The following SHISA8 variants were observed in gnomAD, a reference collection of about 807,000 sequenced individuals.
The protein encoded by SHISA8 is shisa family member 8.
In SHISA8, 21 loss-of-function variants were observed where a neutral mutation model predicts 21.1. The observed-to-expected ratio is 0.99, with a 90% CI of 0.71 to 1.43. The LOEUF is 1.43. Among genes scored for constraint, SHISA8 ranks in the 40% most tolerant of loss-of-function variants. The pLI is 0.00. For synonymous variants in SHISA8, 300 were observed against 291.4 expected, an observed-to-expected ratio of 1.03 and a Z score of -0.30; for missense variants, 535 against 599.1, an observed-to-expected ratio of 0.89 and a Z score of 1.12.
At position 41,910,526 on chromosome 22, in the gene SHISA8, C is replaced by T. The variant is rs2077543922; in HGVS notation, c.693G>A (p.Arg231=). 1.6e-6 allele frequency: 2 copies of T among 1,244,120 alleles called. No homozygotes were observed. Among genetic ancestry groups the T allele is most frequent in the East Asian group, 6.4e-5 (2 of 31,184 alleles). 77.1% of individuals were successfully genotyped at this position (1,244,120 alleles called of 1,614,324 possible). A position where few individuals can be genotyped will look rare whatever the true frequency, so the allele number is the denominator to read the frequency against. The change falls in exon 3 of 4, where the codon CGG becomes CGA. Residue 231 remains arginine, a synonymous_variant. Transcript: ENST00000621082. The surrounding 1 kb of genome is among the most constrained non-coding windows in gnomAD (Gnocchi z 6.8). Reference sequence around the variant, plus strand: ...GCGGGGGCCCCGGGGCGGCCGACCCCCGGGGCGCGTTGTTGAGGCGCTTCT... The same window carrying T: ...GCGGGGGCCCCGGGGCGGCCGACCCTCGGGGCGCGTTGTTGAGGCGCTTCT... The part of the protein sequence containing the change: ...ADKKRLNNAP[R]GSAAPGPPRG...
intron 1 of SHISA8, 112 bp from the exon 2 acceptor site, chr22:41,911,461 G>T (rs375225226): frequency 6.1e-6 from 7 of 1,153,646 alleles, no homozygotes; most frequent in Non-Finnish European, 7.6e-6. Context: ...GCCTCTCCAG[G>T]CCGTCCTCTC....
In SHISA8 at chr22:41,914,371, C is replaced by A; in HGVS notation, c.297G>T (p.Arg99=). Residue 99 remains arginine (R), a synonymous_variant, in exon 1 of 4, where the codon CGG becomes CGT. Coordinates refer to ENST00000621082, the MANE Select transcript of SHISA8 (RefSeq NM_001207020.3). The surrounding 1 kb of genome is among the most constrained non-coding windows in gnomAD (Gnocchi z 6.8). The part of the protein sequence containing the change: ...GYRFCCHDGP[R]RLDQSRCSNY... ...TGGAACAGCGGCTCTGGTCGAGGCG[C>A]CGCGGCCCGTCGTGGCAGCAGAAGC... 1 of 1,294,772 alleles carries A rather than the reference C, an allele frequency of 7.7e-7. No individual in the cohort carries two copies. Among genetic ancestry groups the A allele is most frequent in the South Asian group, 2.3e-5 (1 of 43,104 alleles). 80.2% of individuals were successfully genotyped at this position (1,294,772 alleles called of 1,614,324 possible). A position where few individuals can be genotyped will look rare whatever the true frequency, so the allele number is the denominator to read the frequency against.
At chr22:41,911,938 G>A (rs539500810) in intron 1 of SHISA8, among the ~76,000 whole-genome samples, 64 of 152,242 alleles carry the variant, frequency 4.2e-4, no homozygotes, top group African/African-American at 1.4e-3. Context: ...GTAGAGACGG[G>A]GTTTCACCAT....
Position 41,911,323 on chromosome 22 carries a change from G to A in SHISA8, c.557C>T (p.Pro186Leu). 2 of 1,246,138 alleles carry A rather than the reference G, an allele frequency of 1.6e-6. No homozygotes were observed. Among genetic ancestry groups the A allele is most frequent in the Non-Finnish European group, 2.0e-6 (2 of 994,136 alleles). 77.2% of individuals were successfully genotyped at this position (1,246,138 alleles called of 1,614,324 possible). A position where few individuals can be genotyped will look rare whatever the true frequency, so the allele number is the denominator to read the frequency against. Residue 186 changes from proline (P) to leucine (L), a missense_variant, in exon 2 of 4, where the codon CCG becomes CTG. Physicochemically the swap from Pro to Leu is moderately conservative, Grantham distance 98 (BLOSUM62 -3). Transcript: ENST00000621082. Reference protein sequence around the residue: ...TRALTELLKQPGPQEPLPPTL... With the variant: ...TRALTELLKQLGPQEPLPPTL... ...GGGAGGCAGTGGCTCCTGGGGGCCC[G>A]GCTGCTTCAGAAGCTCTGTCAGCGC...
intron 1 of SHISA8, 51 bp from the exon 2 acceptor site, chr22:41,911,400 G>A (rs1336893532): frequency 1.6e-6 from 2 of 1,231,442 alleles, no homozygotes; most frequent in Non-Finnish European, 2.0e-6. Context: ...CTCATCAAAA[G>A]CCAGCCCCGG....
intron 1 of SHISA8, among the ~76,000 whole-genome samples, chr22:41,913,382 AT>A (rs1166842379): frequency 6.6e-6 from 1 of 152,248 alleles, no homozygotes; most frequent in Admixed American, 6.5e-5. Context: ...TGCTGGGGGC[AT>A]GTGAGTGCCA....
chr22:41,914,115 G>A lies in SHISA8; in HGVS notation c.530+23C>T. 7.2e-7 allele frequency: 1 copy of A among 1,386,676 alleles called. No homozygotes were observed. Among genetic ancestry groups the A allele is most frequent in the South Asian group, 1.6e-5 (1 of 62,386 alleles). 85.9% of individuals were successfully genotyped at this position (1,386,676 alleles called of 1,614,324 possible). A position where few individuals can be genotyped will look rare whatever the true frequency, so the allele number is the denominator to read the frequency against. ...AGAGCAGTCCGAGGAGCAGGCGGGGGTCCCTGGGCGGCGCGTGCTCACCTG... is the reference window on the plus strand; with the variant it reads ...AGAGCAGTCCGAGGAGCAGGCGGGGATCCCTGGGCGGCGCGTGCTCACCTG... On this transcript the variant is annotated intron_variant, in intron 1 of 3. Coordinates refer to ENST00000621082, the MANE Select transcript of SHISA8 (RefSeq NM_001207020.3). The surrounding 1 kb of genome is among the most constrained non-coding windows in gnomAD (Gnocchi z 6.8).
At chr22:41,913,471 C>A (rs942179489) in intron 1 of SHISA8, among the ~76,000 whole-genome samples, 1 of 152,184 alleles carries the variant, frequency 6.6e-6, no homozygotes, top group African/African-American at 2.4e-5. Flanking sequence ...AGGAAGGGGA[C>A]CTGGACCCTG....
rs545706671 is a variant in SHISA8 at position 41,910,282 on chromosome 22, A to G, written c.811+126T>C. The G allele has an allele frequency of 1.3e-3, 1,633 of 1,228,196 alleles. 5 individuals carry two copies. The highest frequency in any genetic ancestry group is 1.2e-3 in the Non-Finnish European group (1,184 of 983,966). 76.1% of individuals were successfully genotyped at this position (1,228,196 alleles called of 1,614,324 possible). Reference sequence around the variant, plus strand: ...GGGGCGGGGCCCGCTGGGGCGAGGGAGCCGATTGGCCGAGCGGCGGGCGCG... The same window carrying G: ...GGGGCGGGGCCCGCTGGGGCGAGGGGGCCGATTGGCCGAGCGGCGGGCGCG... On this transcript the variant is annotated intron_variant, in intron 3 of 3. Coordinates refer to ENST00000621082, the MANE Select transcript of SHISA8 (RefSeq NM_001207020.3). The surrounding 1 kb of genome is among the most constrained non-coding windows in gnomAD (Gnocchi z 6.8).
rs2146574917 is a variant in SHISA8, at chr22:41,911,132, G to A, written c.664+84C>T. 2.4e-6 allele frequency: 3 copies of A among 1,239,296 alleles called. No individual in the cohort carries two copies. In the East Asian group the frequency reaches 9.4e-5, roughly 39 times the overall value. 76.8% of individuals were successfully genotyped at this position (1,239,296 alleles called of 1,614,324 possible). A position where few individuals can be genotyped will look rare whatever the true frequency, so the allele number is the denominator to read the frequency against. Reference sequence around the variant, plus strand: ...TCATTTCCACCGGGGAAGCCTCTATGCCCCAGCCGAGGGACCGCCTCTCGG... The same window carrying A: ...TCATTTCCACCGGGGAAGCCTCTATACCCCAGCCGAGGGACCGCCTCTCGG... On this transcript the variant is annotated intron_variant, in intron 2 of 3. Coordinates refer to ENST00000621082, the MANE Select transcript of SHISA8 (RefSeq NM_001207020.3).
rs369235410 is a variant in SHISA8, at chr22:41,910,335, T to C, written c.811+73A>G. Reference sequence around the variant, plus strand: ...GAACTGGGAATTTGGCGCTTGGAGCTGCGGCCCCGCGCTTCGCAGTCCGGG... The same window carrying C: ...GAACTGGGAATTTGGCGCTTGGAGCCGCGGCCCCGCGCTTCGCAGTCCGGG... On this transcript the variant is annotated intron_variant, in intron 3 of 3. Transcript: ENST00000621082. The surrounding 1 kb of genome is among the most constrained non-coding windows in gnomAD (Gnocchi z 6.8). The C allele has an allele frequency of 7.2e-6, 9 of 1,255,986 alleles. No individual in the cohort carries two copies. The East Asian group carries it at 9.8e-5, about 14-fold the overall frequency. The allele number at this position is 1,255,986 out of a possible 1,614,324, so 77.8% of individuals were successfully genotyped here. A position where few individuals can be genotyped will look rare whatever the true frequency, so the allele number is the denominator to read the frequency against.
Position 41,909,836 on chromosome 22 carries a change from C to CGG in SHISA8, c.1121_1122dup (p.Gly375ProfsTer14), listed in dbSNP as rs1569416407. ...CCGCGGCCCGCGCTGCCGTAAAGGC[C>CGG]GGGGAGCTGCGGGTTGAAGGTCTCA... On this transcript the variant is annotated frameshift_variant, in exon 4 of 4. Transcript: ENST00000621082. LOFTEE classifies it high-confidence loss of function. 5.9e-6 allele frequency: 9 copies of CGG among 1,527,220 alleles called. No individual in the cohort carries two copies. The South Asian group carries it at 9.7e-5, about 16-fold the overall frequency. 94.6% of individuals were successfully genotyped at this position (1,527,220 alleles called of 1,614,324 possible). A position where few individuals can be genotyped will look rare whatever the true frequency, so the allele number is the denominator to read the frequency against.
At position 41,909,706 on chromosome 22, in the gene SHISA8, G is replaced by T; in HGVS notation, c.*59C>A. 1.5e-6 allele frequency: 2 copies of T among 1,350,524 alleles called. No homozygotes were observed. Among genetic ancestry groups the T allele is most frequent in the Non-Finnish European group, 1.9e-6 (2 of 1,053,020 alleles). The allele number at this position is 1,350,524 out of a possible 1,614,324, so 83.7% of individuals were successfully genotyped here. Reference sequence around the variant, plus strand: ...GCAGGCGCTCCTCTCCCTGTGGCCTGAGGCTCCGACGGGCAGACAGGACCC... The same window carrying T: ...GCAGGCGCTCCTCTCCCTGTGGCCTTAGGCTCCGACGGGCAGACAGGACCC... On this transcript the variant is annotated 3_prime_UTR_variant, in exon 4 of 4. Coordinates refer to ENST00000621082, the MANE Select transcript of SHISA8 (RefSeq NM_001207020.3).
Position 41,914,777 on chromosome 22 carries a change from G to A in SHISA8, c.-110C>T, listed in dbSNP as rs932558932. 1.9e-5 allele frequency: 16 copies of A among 856,386 alleles called. No individual in the cohort carries two copies. Among genetic ancestry groups the A allele is most frequent in the African/African-American group, 3.7e-5 (2 of 54,456 alleles). 53.0% of individuals were successfully genotyped at this position (856,386 alleles called of 1,614,324 possible). Reference sequence around the variant, plus strand: ...ATCGCGCTGGCTCCCGGCGCACGCCGCCTCGGCCGTCGGCCTCCTCTGGGG... The same window carrying A: ...ATCGCGCTGGCTCCCGGCGCACGCCACCTCGGCCGTCGGCCTCCTCTGGGG... On this transcript the variant is annotated 5_prime_UTR_variant, in exon 1 of 4. Coordinates refer to ENST00000621082, the MANE Select transcript of SHISA8 (RefSeq NM_001207020.3). The surrounding 1 kb of genome is among the most constrained non-coding windows in gnomAD (Gnocchi z 6.8).
rs1245135854 is a variant in SHISA8, at chr22:41,909,699, G to C, written c.*66C>G. 1 of 1,343,648 alleles carries C rather than the reference G, an allele frequency of 7.4e-7. No homozygotes were observed. Among genetic ancestry groups the C allele is most frequent in the African/African-American group, 1.5e-5 (1 of 65,516 alleles). 83.2% of individuals were successfully genotyped at this position (1,343,648 alleles called of 1,614,324 possible). A position where few individuals can be genotyped will look rare whatever the true frequency, so the allele number is the denominator to read the frequency against. ...CCTTACGGCAGGCGCTCCTCTCCCT[G>C]TGGCCTGAGGCTCCGACGGGCAGAC... On this transcript the variant is annotated 3_prime_UTR_variant, in exon 4 of 4. Transcript: ENST00000621082.
Position 41,909,780 on chromosome 22 carries a change from G to T in SHISA8, c.1179C>A (p.Thr393=). 6.7e-7 allele frequency: 1 copy of T among 1,481,506 alleles called. No individual in the cohort carries two copies. The highest frequency in any genetic ancestry group is 1.3e-5 in the South Asian group (1 of 78,140). 91.8% of individuals were successfully genotyped at this position (1,481,506 alleles called of 1,614,324 possible). Residue 393 remains threonine, a synonymous_variant, in exon 4 of 4, where the codon ACC becomes ACA. Coordinates refer to ENST00000621082, the MANE Select transcript of SHISA8 (RefSeq NM_001207020.3). ...CGGCCCCGCTTCACACGGTGACCTC[G>T]GTCTTGCTATTGGTCCTTAGGTACC... ...GSRYLRTNSK[T]EVTV
chr22:41,910,665 C>A lies in SHISA8; in HGVS notation c.665-111G>T. On this transcript the variant is annotated intron_variant, in intron 2 of 3. Transcript: ENST00000621082. The surrounding 1 kb of genome is among the most constrained non-coding windows in gnomAD (Gnocchi z 6.8). ...GGCCGTTCGGTGAGAACCTGGGGGA[C>A]CGTTCTCCGGGCGAGGCTGCGAGCC... 8.6e-7 allele frequency: 1 copy of A among 1,158,184 alleles called. No homozygotes were observed. Among genetic ancestry groups the A allele is most frequent in the South Asian group, 4.5e-5 (1 of 22,420 alleles). 71.7% of individuals were successfully genotyped at this position (1,158,184 alleles called of 1,614,324 possible).
intron 1 of SHISA8, among the ~76,000 whole-genome samples, chr22:41,912,015 G>A (rs1445796997): frequency 6.6e-6 from 1 of 152,260 alleles, no homozygotes; most frequent in Non-Finnish European, 1.5e-5. Context: ...ACAGGTGTGA[G>A]CCACCGCGCC....
At position 41,914,560 on chromosome 22, in the gene SHISA8, G is replaced by A; in HGVS notation, c.108C>T (p.Gly36=). The change falls in exon 1 of 4, where the codon GGC becomes GGT. Residue 36 remains glycine (G), a synonymous_variant. Coordinates refer to ENST00000621082, the MANE Select transcript of SHISA8 (RefSeq NM_001207020.3). The surrounding 1 kb of genome is among the most constrained non-coding windows in gnomAD (Gnocchi z 6.8). ...LALLLARPPS[G]RAGAPEAQGP... is the part of the protein sequence containing the mutation. ...CCTGCGCCTCGGGGGCTCCCGCGCG[G>A]CCCGACGGCGGCCGCGCCAGCAGCA... 8.5e-7 allele frequency: 1 copy of A among 1,177,970 alleles called. No individual in the cohort carries two copies. The highest frequency in any genetic ancestry group is 4.2e-5 in the South Asian group (1 of 23,886). 73.0% of individuals were successfully genotyped at this position (1,177,970 alleles called of 1,614,324 possible).
Sources: gnomAD v4.1 joint callset for allele counts (sites outside exome capture counted in the v4.1 genomes callset) on GRCh38, gnomAD v4.1.1 for gene constraint, Gnocchi (gnomAD v3.1) non-coding constraint, MANE v1.5 for transcripts, NCBI Gene and HGNC (gene_info 2026-07-23, HGNC 2026-07-21) for gene names.